Variants in LEMD3 observed in about 807,000 individuals in gnomAD.
LEMD3 encodes the protein LEM domain containing 3, also known as inner nuclear membrane protein Man1.
Under a neutral mutation model 95.2 loss-of-function variants are expected in LEMD3, and 33 were observed. That is an observed-to-expected ratio of 0.35 (90% confidence interval 0.26 to 0.46). The LOEUF is 0.46. Among genes scored for constraint, LEMD3 ranks in the 20% least tolerant of loss-of-function variants. The probability of loss-of-function intolerance (pLI) is 1.00; values close to 1 mark genes in which losing one functional copy is unlikely to be tolerated. For missense variants in LEMD3, 1,210 were observed against 1,192.8 expected (o/e 1.01, Z -0.21); for synonymous variants, 525 against 474.6 (o/e 1.11, Z -1.38).
At chr12:65,242,440 T>C (rs1350494720) in intron 9 of LEMD3, among the ~76,000 whole-genome samples, 1 of 152,216 alleles carries the variant, frequency 6.6e-6, no homozygotes, top group Non-Finnish European at 1.5e-5. Context: ...TGTACCCAAC[T>C]ATATATTTCT....
intron 3 of LEMD3, among the ~76,000 whole-genome samples, chr12:65,217,764 A>T (rs1026342301): frequency 1.3e-5 from 2 of 152,242 alleles, no homozygotes; most frequent in African/African-American, 4.8e-5. Flanking sequence ...TAGAAACCAG[A>T]TCATAGGTGG....
chr12:65,199,810 G>A (rs2136329525), intron 1 of LEMD3, among the ~76,000 whole-genome samples: 1 of 152,148 alleles, frequency 6.6e-6, no homozygotes, highest in Non-Finnish European at 1.5e-5. Flanking sequence ...AATGGATCAT[G>A]TGGGAAGATT....
At chr12:65,205,309 G>GC (rs1869730284) in intron 1 of LEMD3, among the ~76,000 whole-genome samples, 1 of 152,008 alleles carries the variant, frequency 6.6e-6, no homozygotes, top group Admixed American at 6.6e-5. Context: ...ACAGTTTTCT[G>GC]CCCCCCTCAA....
At position 65,246,565 on chromosome 12, in the gene LEMD3, T is replaced by C. The variant is rs1871114869; in HGVS notation, c.*240T>C. The C allele has an allele frequency of 4.1e-6, 2 of 487,140 alleles. No homozygotes were observed. Among genetic ancestry groups the C allele is most frequent in the Admixed American group, 3.5e-5 (1 of 28,238 alleles). 30.2% of individuals were successfully genotyped at this position (487,140 alleles called of 1,614,324 possible). On this transcript the variant is annotated 3_prime_UTR_variant, in exon 13 of 13. Coordinates refer to ENST00000308330, the MANE Select transcript of LEMD3 (RefSeq NM_014319.5). ...AGTTAAGCCAATACATTTAAAGTTTTGCATGAGGAACACTGACTTTATTAA... is the reference window on the plus strand; with the variant it reads ...AGTTAAGCCAATACATTTAAAGTTTCGCATGAGGAACACTGACTTTATTAA...
intron 10 of LEMD3, among the ~76,000 whole-genome samples, chr12:65,244,808 A>G (rs1871047558): frequency 6.6e-6 from 1 of 151,854 alleles, no homozygotes; most frequent in Admixed American, 6.6e-5. Context: ...GAAATTAGCC[A>G]GAATTGGTGG....
rs1323788268 is a variant in LEMD3, at chr12:65,170,136, C to T, written c.540C>T (p.Ser180=). 8 of 1,467,478 alleles carry T rather than the reference C, an allele frequency of 5.5e-6. No homozygotes were observed. Among genetic ancestry groups the T allele is most frequent in the Non-Finnish European group, 7.2e-6 (8 of 1,115,140 alleles). 90.9% of individuals were successfully genotyped at this position (1,467,478 alleles called of 1,614,324 possible). A position where few individuals can be genotyped will look rare whatever the true frequency, so the allele number is the denominator to read the frequency against. ...LKAPPAPLAA[S]EVTNSNSAER... ...CGCCGCCGGCGCCCCTGGCCGCCAG[C>T]GAGGTGACTAACAGCAACTCTGCAG... The change falls in exon 1 of 13, where the codon AGC becomes AGT. Residue 180 remains serine (S), a synonymous_variant. Coordinates refer to ENST00000308330, the MANE Select transcript of LEMD3 (RefSeq NM_014319.5).
chr12:65,198,105 T>G (rs1869488444), intron 1 of LEMD3, among the ~76,000 whole-genome samples: 1 of 152,154 alleles, frequency 6.6e-6, no homozygotes, highest in African/African-American at 2.4e-5. Flanking sequence ...CTCCAAATTC[T>G]TGTTTAGCAC....
At chr12:65,186,059 A>C (rs1044187137) in intron 1 of LEMD3, among the ~76,000 whole-genome samples, 5 of 152,218 alleles carry the variant, frequency 3.3e-5, no homozygotes, top group Non-Finnish European at 7.4e-5. Context: ...ATAACTTATT[A>C]ATCTATCTAA....
intron 1 of LEMD3, 187 bp downstream of exon 1, chr12:65,171,305 G>A: frequency 3.0e-6 from 3 of 1,002,716 alleles, no homozygotes; most frequent in East Asian, 2.7e-5. Context: ...TCATATGGCT[G>A]GTTTTAAAAG....
intron 1 of LEMD3, among the ~76,000 whole-genome samples, chr12:65,207,083 C>G (rs1869785372): frequency 6.6e-6 from 1 of 152,114 alleles, no homozygotes; most frequent in African/African-American, 2.4e-5. Context: ...TAATACCACT[C>G]TAAACGGTAG....
chr12:65,222,901 T>A (rs1175612692), intron 4 of LEMD3, among the ~76,000 whole-genome samples: 1 of 152,150 alleles, frequency 6.6e-6, no homozygotes, highest in African/African-American at 2.4e-5. Flanking sequence ...GATCCAATGC[T>A]TGTTCTAGGA....
chr12:65,243,270 AG>A, intron 9 of LEMD3, 117 bp from the exon 10 acceptor site: 1 of 710,744 alleles, frequency 1.4e-6, no homozygotes, highest in East Asian at 2.6e-5. Context: ...ACATCTAACC[AG>A]GGGTCTGGCT....
At chr12:65,238,941 CTAA>C in intron 6 of LEMD3, 127 bp downstream of exon 6, 1 of 801,616 alleles carries the variant, frequency 1.2e-6, no homozygotes, top group Non-Finnish European at 2.1e-6. Flanking sequence ...GATGTCTTCA[CTAA>C]ATATAATAAA....
At chr12:65,188,911 A>G (rs1042216198) in intron 1 of LEMD3, among the ~76,000 whole-genome samples, 1 of 152,116 alleles carries the variant, frequency 6.6e-6, no homozygotes, top group African/African-American at 2.4e-5. Flanking sequence ...GGAGATGACA[A>G]TGGGCACTAT....
chr12:65,213,460 C>T lies in LEMD3; in HGVS notation c.1560+2497C>T, dbSNP rs763957510. On this transcript the variant is annotated intron_variant, in intron 2 of 12. Coordinates refer to ENST00000308330, the MANE Select transcript of LEMD3 (RefSeq NM_014319.5). The stretch of plus-strand genomic sequence containing the variant: ...CAGGCTGGTCTCAAATTCCTGAGCT[C>T]AAGCAATTCTCCTGGCTCAGCCTCC... 3.3e-5 allele frequency among the ~76,000 whole-genome samples: 5 copies of T among 152,150 alleles called. No individual in the cohort carries two copies. In the East Asian group the frequency reaches 9.6e-4, roughly 29 times the overall value.
intron 1 of LEMD3, among the ~76,000 whole-genome samples, chr12:65,199,082 T>C (rs1052939228): frequency 1.1e-4 from 16 of 152,138 alleles, no homozygotes; most frequent in African/African-American, 3.9e-4. Flanking sequence ...AACTTTATAG[T>C]TTATCTTAGA....
Position 65,245,624 on chromosome 12 carries a change from C to G in LEMD3, c.2388-45C>G, listed in dbSNP as rs17177865. 3.8e-6 allele frequency: 5 copies of G among 1,321,270 alleles called. No homozygotes were observed. In the African/African-American group the frequency reaches 7.2e-5, roughly 19 times the overall value. The allele number at this position is 1,321,270 out of a possible 1,614,324, so 81.8% of individuals were successfully genotyped here. A position where few individuals can be genotyped will look rare whatever the true frequency, so the allele number is the denominator to read the frequency against. On this transcript the variant is annotated intron_variant, in intron 10 of 12. Transcript: ENST00000308330. ...GTAAGAGACAGTGAAGAATTTTTAC[C>G]GAGTAGGAATATGGTTGTTGATTTT...
At position 65,188,269 on chromosome 12, in the gene LEMD3, A is replaced by G. The variant is rs372942436; in HGVS notation, c.1522+17151A>G. On this transcript the variant is annotated intron_variant, in intron 1 of 12. Coordinates refer to ENST00000308330, the MANE Select transcript of LEMD3 (RefSeq NM_014319.5). ...TCATACTGCAGGGTTGAAGTACACT[A>G]TATAAGCTACATGGAAACTGAGAGC... Among the ~76,000 whole-genome samples, 4 of 152,164 alleles carry G rather than the reference A, an allele frequency of 2.6e-5. No homozygotes were observed. In the South Asian group the frequency reaches 8.3e-4, roughly 31 times the overall value.
intron 1 of LEMD3, among the ~76,000 whole-genome samples, chr12:65,195,287 C>G (rs939159518): frequency 1.3e-5 from 2 of 151,812 alleles, no homozygotes; most frequent in Non-Finnish European, 2.9e-5. Context: ...AAAAATATCA[C>G]AAAAATGTAA....
Sources: allele counts gnomAD v4.1 joint callset (sites outside exome capture counted in the v4.1 genomes callset), GRCh38; gene constraint gnomAD v4.1.1; transcripts MANE v1.5; gene names NCBI Gene and HGNC (gene_info 2026-07-23, HGNC 2026-07-21).